Variants in TUBA3C observed in about 807,000 individuals in gnomAD.
TUBA3C encodes the protein tubulin alpha-3C chain.
TUBA3C carries 23 observed loss-of-function variants against 33.4 expected under a neutral mutation model. That is an observed-to-expected ratio of 0.69 (90% CI 0.50 to 0.98). The LOEUF is 0.98. Among genes scored for constraint, TUBA3C ranks in the 50% least tolerant of loss-of-function variants. TUBA3C has a pLI of 0.00. For missense variants in TUBA3C, 402 were observed against 616.0 expected, an observed-to-expected ratio of 0.65 and a Z score of 3.68; for synonymous variants, 269 against 250.4, an observed-to-expected ratio of 1.07 and a Z score of -0.70.
Position 19,177,123 on chromosome 13 carries a change from G to A in TUBA3C, c.860C>T (p.Ser287Phe), listed in dbSNP as rs1424303595. 5.6e-6 allele frequency: 9 copies of A among 1,614,170 alleles called. No individual in the cohort carries two copies. The highest frequency in any genetic ancestry group is 7.6e-6 in the Non-Finnish European group (9 of 1,180,036). ...SAEKAYHEQL[S>F]VAEITNACFE... ...GCAGGCATTGGTGATCTCAGCCACG[G>A]ACAGCTGCTCGTGGTAGGCCTTCTC... The change falls in exon 4 of 5, where the codon TCC becomes TTC. Residue 287 changes from serine to phenylalanine, a missense_variant. Coordinates refer to ENST00000400113, the MANE Select transcript of TUBA3C (RefSeq NM_006001.3). This position sits in a 1 kb window ranked among gnomAD's most constrained non-coding sequence, Gnocchi z 5.0.
chr13:19,178,297 G>A lies in TUBA3C; in HGVS notation c.324C>T (p.Tyr108=). The part of the protein sequence containing the change: ...DAANNYARGH[Y]TIGKEIVDLV... ...GGTCGACGATCTCCTTGCCGATGGT[G>A]TAATGGCCTCTGGCGTAATTATTGG... Residue 108 remains tyrosine, a synonymous_variant, in exon 3 of 5, where the codon TAC becomes TAT. Coordinates refer to ENST00000400113, the MANE Select transcript of TUBA3C (RefSeq NM_006001.3). The A allele has an allele frequency of 1.9e-6, 3 of 1,614,230 alleles. No individual in the cohort carries two copies. Among genetic ancestry groups the A allele is most frequent in the South Asian group, 2.2e-5 (2 of 91,080 alleles).
At chr13:19,178,141 C>T in intron 3 of TUBA3C, 105 bp downstream of exon 3, 1 of 1,522,264 alleles carries the variant, frequency 6.6e-7, no homozygotes, top group East Asian at 2.3e-5. Context: ...CCACCAGACC[C>T]AGCCAACGCA....
At position 19,177,849 on chromosome 13, in the gene TUBA3C, T is replaced by G. The variant is rs933532655; in HGVS notation, c.376-242A>C. Among the ~76,000 whole-genome samples, 1 of 146,782 alleles carries G rather than the reference T, an allele frequency of 6.8e-6. No individual in the cohort carries two copies. Among genetic ancestry groups the G allele is most frequent in the Non-Finnish European group, 1.5e-5 (1 of 66,478 alleles). On this transcript the variant is annotated intron_variant, in intron 3 of 4. Transcript: ENST00000400113. This position sits in a 1 kb window ranked among gnomAD's most constrained non-coding sequence, Gnocchi z 5.0. ...ACTCAAGATACTGTTCTAAGTTGTT[T>G]TTTTTTTTTTTTTTTTAGATAGAAT...
intron 1 of TUBA3C, among the ~76,000 whole-genome samples, chr13:19,181,240 G>A (rs1024350931): frequency 2.0e-5 from 3 of 151,920 alleles, no homozygotes; most frequent in African/African-American, 7.2e-5. Flanking sequence ...TAGTAGAGAA[G>A]GGATTTCGCC....
chr13:19,176,802 C>T, intron 4 of TUBA3C, 125 bp downstream of exon 4: 4 of 911,808 alleles, frequency 4.4e-6, no homozygotes, highest in East Asian at 3.8e-5. Flanking sequence ...CTAATTGATG[C>T]CCACATGCCT....
Position 19,177,143 on chromosome 13 carries a change from C to G in TUBA3C, c.840G>C (p.Lys280Asn). 6.2e-7 allele frequency: 1 copy of G among 1,614,122 alleles called. No individual in the cohort carries two copies. Among genetic ancestry groups the G allele is most frequent in the Non-Finnish European group, 8.5e-7 (1 of 1,180,034 alleles). Reference protein sequence around the residue: ...ATYAPVISAEKAYHEQLSVAE... With the variant: ...ATYAPVISAENAYHEQLSVAE... ...CCACGGACAGCTGCTCGTGGTAGGC[C>G]TTCTCGGCTGAGATGACCGGGGCGT... is the stretch of plus-strand genomic sequence containing the variant. Residue 280 changes from lysine (K) to asparagine (N), a missense_variant, in exon 4 of 5, where the codon AAG becomes AAC. Lys to Asn is a moderately conservative substitution (Grantham distance 94). Coordinates refer to ENST00000400113, the MANE Select transcript of TUBA3C (RefSeq NM_006001.3). This position sits in a 1 kb window ranked among gnomAD's most constrained non-coding sequence, Gnocchi z 5.0.
At position 19,181,817 on chromosome 13, in the gene TUBA3C, C is replaced by G. The variant is rs1869433927; in HGVS notation, c.-70G>C. ...CAACCGCCGCTGCAGCTGCGCACGC[C>G]CAACGACAGCCTCCCGCCGTGCGCT... is the stretch of plus-strand genomic sequence containing the variant. On this transcript the variant is annotated 5_prime_UTR_variant, in exon 1 of 5. Transcript: ENST00000400113. The G allele has an allele frequency of 6.3e-7, 1 of 1,584,260 alleles. No homozygotes were observed. Among genetic ancestry groups the G allele is most frequent in the Admixed American group, 1.7e-5 (1 of 59,372 alleles).
intron 4 of TUBA3C, among the ~76,000 whole-genome samples, chr13:19,175,431 G>C (rs540079000): frequency 8.5e-5 from 13 of 152,228 alleles, no homozygotes; most frequent in Admixed American, 2.0e-4. Context: ...ACTAAATCTT[G>C]TGGCATTTCT....
Position 19,177,631 on chromosome 13 carries a change from A to G in TUBA3C, c.376-24T>C. 6 of 1,538,862 alleles carry G rather than the reference A, an allele frequency of 3.9e-6. 1 individual carries two copies. Among genetic ancestry groups the G allele is most frequent in the Non-Finnish European group, 5.2e-6 (6 of 1,144,478 alleles). On this transcript the variant is annotated intron_variant, in intron 3 of 4. Transcript: ENST00000400113. The surrounding 1 kb of genome is among the most constrained non-coding windows in gnomAD (Gnocchi z 5.0). ...GCCTGAGGGAAACCAGACAACATGA[A>G]TCAATGCCCGTGGAAGCCACACCAC...
In TUBA3C at chr13:19,177,459, G is replaced by C; in HGVS notation, c.524C>G (p.Pro175Arg). 1.9e-6 allele frequency: 3 copies of C among 1,614,148 alleles called. No homozygotes were observed. Among genetic ancestry groups the C allele is most frequent in the Non-Finnish European group, 2.5e-6 (3 of 1,180,032 alleles). The stretch of plus-strand genomic sequence containing the variant: ...CTCCACCACGGCCGTGGAGACCTGG[G>C]GGGCTGGGTAAATGGCAAATTCTAG... ...SKLEFAIYPA[P>R]QVSTAVVEPY... The change falls in exon 4 of 5, where the codon CCC becomes CGC. Residue 175 changes from proline to arginine, a missense_variant. Coordinates refer to ENST00000400113, the MANE Select transcript of TUBA3C (RefSeq NM_006001.3). The surrounding 1 kb of genome is among the most constrained non-coding windows in gnomAD (Gnocchi z 5.0).
rs1382937316 is a variant in TUBA3C, at chr13:19,176,913, T to C, written c.1056+14A>G. The C allele has an allele frequency of 6.2e-7, 1 of 1,612,136 alleles. No individual in the cohort carries two copies. The highest frequency in any genetic ancestry group is 1.1e-5 in the South Asian group (1 of 90,984). Reference sequence around the variant, plus strand: ...TGCTGAAAGGTACAAGGACTCCACATTACCCAGTCATACCTTAAATCCAGT... The same window carrying C: ...TGCTGAAAGGTACAAGGACTCCACACTACCCAGTCATACCTTAAATCCAGT... On this transcript the variant is annotated intron_variant, in intron 4 of 4. Coordinates refer to ENST00000400113, the MANE Select transcript of TUBA3C (RefSeq NM_006001.3).
chr13:19,177,247 C>T lies in TUBA3C; in HGVS notation c.736G>A (p.Gly246Arg), dbSNP rs760000265. 3 of 1,613,950 alleles carry T rather than the reference C, an allele frequency of 1.9e-6. No individual in the cohort carries two copies. Among genetic ancestry groups the T allele is most frequent in the East Asian group, 2.2e-5 (1 of 44,886 alleles). ...TCCGTCAAGTCCACATTCAGGGCCC[C>T]GTCAAATCGCAGGGAGGCCGTGATG... ...SSITASLRFD[G>R]ALNVDLTEFQ... The change falls in exon 4 of 5, where the codon GGG becomes AGG. Residue 246 changes from glycine to arginine, a missense_variant. Coordinates refer to ENST00000400113, the MANE Select transcript of TUBA3C (RefSeq NM_006001.3). This position sits in a 1 kb window ranked among gnomAD's most constrained non-coding sequence, Gnocchi z 5.0.
chr13:19,176,697 G>C lies in TUBA3C; in HGVS notation c.1056+230C>G, dbSNP rs998959243. Reference sequence around the variant, plus strand: ...GCTGAGATCACACCACTTTACTCCAGCCTGGGCGACAAAGCTAGACTCTGC... The same window carrying C: ...GCTGAGATCACACCACTTTACTCCACCCTGGGCGACAAAGCTAGACTCTGC... On this transcript the variant is annotated intron_variant, in intron 4 of 4. Coordinates refer to ENST00000400113, the MANE Select transcript of TUBA3C (RefSeq NM_006001.3). 4.4e-5 allele frequency among the ~76,000 whole-genome samples: 5 copies of C among 114,104 alleles called. No individual in the cohort carries two copies. In the Admixed American group the frequency reaches 6.8e-4, roughly 16 times the overall value. The allele number at this position is 114,104 out of a possible 152,430, so 74.9% of individuals were successfully genotyped here. A position where few individuals can be genotyped will look rare whatever the true frequency, so the allele number is the denominator to read the frequency against.
At chr13:19,180,961 CAAAAA>C (rs532243124) in intron 1 of TUBA3C, among the ~76,000 whole-genome samples, 2 of 82,116 alleles carry the variant, frequency 2.4e-5, no homozygotes, top group Non-Finnish European at 2.6e-5. Context: ...TGAGCCGTTT[CAAAAA>C]AAAAAAAAAA....
In TUBA3C at chr13:19,177,821, A is replaced by G. The variant is rs761245952; in HGVS notation, c.376-214T>C. Reference sequence around the variant, plus strand: ...AGACTAAGACCATTGCAGACGCAATAGGACTCAAGATACTGTTCTAAGTTG... The same window carrying G: ...AGACTAAGACCATTGCAGACGCAATGGGACTCAAGATACTGTTCTAAGTTG... On this transcript the variant is annotated intron_variant, in intron 3 of 4. Transcript: ENST00000400113. This position sits in a 1 kb window ranked among gnomAD's most constrained non-coding sequence, Gnocchi z 5.0. Among the ~76,000 whole-genome samples the G allele has an allele frequency of 3.2e-4, 48 of 151,114 alleles. No homozygotes were observed. Among genetic ancestry groups the G allele is most frequent in the Non-Finnish European group, 6.2e-4 (42 of 67,710 alleles).
In TUBA3C at chr13:19,173,802, G is replaced by C. The variant is rs3178131; in HGVS notation, c.*61C>G. ...TTTATACAGAACCTTTAATTGCAAA[G>C]AACTTGAAAGCAGCCACGCTGGGGG... On this transcript the variant is annotated 3_prime_UTR_variant, in exon 5 of 5. Transcript: ENST00000400113. 2 of 1,563,974 alleles carry C rather than the reference G, an allele frequency of 1.3e-6. No individual in the cohort carries two copies. Among genetic ancestry groups the C allele is most frequent in the African/African-American group, 2.7e-5 (2 of 73,642 alleles).
At chr13:19,180,403 C>T (rs1869358760) in intron 1 of TUBA3C, among the ~76,000 whole-genome samples, 1 of 152,096 alleles carries the variant, frequency 6.6e-6, no homozygotes, top group African/African-American at 2.4e-5. Flanking sequence ...TAAGCCCTGA[C>T]AAGCCGGATG....
chr13:19,181,494 A>G (rs991689431), intron 1 of TUBA3C, among the ~76,000 whole-genome samples: 1 of 152,152 alleles, frequency 6.6e-6, no homozygotes, highest in African/African-American at 2.4e-5. Flanking sequence ...GGACACGGTC[A>G]ATGCTCCCCG....
chr13:19,181,814 C>G lies in TUBA3C; in HGVS notation c.-67G>C, dbSNP rs895055259. 3.2e-6 allele frequency: 5 copies of G among 1,586,376 alleles called. No homozygotes were observed. Among genetic ancestry groups the G allele is most frequent in the Non-Finnish European group, 4.3e-6 (5 of 1,170,272 alleles). On this transcript the variant is annotated 5_prime_UTR_variant, in exon 1 of 5. Coordinates refer to ENST00000400113, the MANE Select transcript of TUBA3C (RefSeq NM_006001.3). ...CCTCAACCGCCGCTGCAGCTGCGCA[C>G]GCCCAACGACAGCCTCCCGCCGTGC...
Sources: gnomAD v4.1 joint callset for allele counts (sites outside exome capture counted in the v4.1 genomes callset) on GRCh38, gnomAD v4.1.1 for gene constraint, Gnocchi (gnomAD v3.1) non-coding constraint, MANE v1.5 for transcripts, NCBI Gene and HGNC (gene_info 2026-07-23, HGNC 2026-07-21) for gene names.